GLIS3: variants seen among roughly 807,000 people sequenced by gnomAD.
GLIS3 encodes the protein zinc finger protein GLIS3.
In GLIS3, 53 loss-of-function variants were observed where a neutral mutation model predicts 78.6. That is an observed-to-expected ratio of 0.67 (90% confidence interval 0.54 to 0.85). The LOEUF (loss-of-function observed/expected upper bound fraction) is 0.85, where lower values mean the gene tolerates loss of function less well. Among genes scored for constraint, GLIS3 ranks in the 40% least tolerant of loss-of-function variants. GLIS3 has a pLI of 0.00. For missense variants in GLIS3, 1,703 were observed against 1,231.1 expected (o/e 1.38, Z -5.74); for synonymous variants, 684 against 509.9 (o/e 1.34, Z -4.60).
At chr9:3,971,755 T>C (rs1818398882) in intron 4 of GLIS3, among the ~76,000 whole-genome samples, 1 of 152,188 alleles carries the variant, frequency 6.6e-6, no homozygotes, top group Non-Finnish European at 1.5e-5. Flanking sequence ...CTGTCTTGTA[T>C]TTAACTGATG....
rs547708543 is a variant in GLIS3, at chr9:4,191,593, C to T, written c.389-65652G>A. 9.8e-5 allele frequency among the ~76,000 whole-genome samples: 15 copies of T among 152,324 alleles called. No homozygotes were observed. The East Asian group carries it at 2.9e-3, about 29-fold the overall frequency. On this transcript the variant is annotated intron_variant, in intron 2 of 10. Transcript: ENST00000381971. The stretch of plus-strand genomic sequence containing the variant: ...TATTCTTCCTCTTCAAACTTCCTTT[C>T]ATTCTTATTAACTTCATTTTGTTTT...
Position 4,291,855 on chromosome 9 carries a change from T to A in GLIS3, c.-98-5332A>T, listed in dbSNP as rs79673642. On this transcript the variant is annotated intron_variant, in intron 1 of 10. Transcript: ENST00000381971. ...TCAGTGCATCTATATAACTTTCATATCCTCCTAGTTTACTAAATGTCACTA... is the reference window on the plus strand; with the variant it reads ...TCAGTGCATCTATATAACTTTCATAACCTCCTAGTTTACTAAATGTCACTA... Among the ~76,000 whole-genome samples, 83 of 152,246 alleles carry A rather than the reference T, an allele frequency of 5.5e-4. 1 individual carries two copies. The East Asian group carries it at 0.015, about 28-fold the overall frequency.
intron 4 of GLIS3, among the ~76,000 whole-genome samples, chr9:4,113,908 T>C (rs1414926543): frequency 6.6e-6 from 1 of 152,230 alleles, no homozygotes; most frequent in Non-Finnish European, 1.5e-5. Flanking sequence ...AACTGGTCTT[T>C]GGTCAGTGAC....
chr9:4,416,775 C>G, the GLIS3 span, among the ~76,000 whole-genome samples: 4 of 148,268 alleles, frequency 2.7e-5, no homozygotes, highest in African/African-American at 1.0e-4. Flanking sequence ...TATCTAGAGT[C>G]TCTCAAATGG....
intron 2 of GLIS3, among the ~76,000 whole-genome samples, chr9:4,250,350 G>A (rs1824245600): frequency 6.6e-6 from 1 of 152,172 alleles, no homozygotes; most frequent in Admixed American, 6.5e-5. Context: ...TTGAGAGGGT[G>A]TATGTGTCCA....
intron 7 of GLIS3, among the ~76,000 whole-genome samples, chr9:3,882,473 C>A (rs371824189): frequency 2.0e-5 from 3 of 150,996 alleles, no homozygotes; most frequent in Non-Finnish European, 4.4e-5. Context: ...CATGCTACGG[C>A]TGGTGCATTA....
At chr9:4,191,452 A>G (rs1420496761) in intron 2 of GLIS3, among the ~76,000 whole-genome samples, 1 of 152,240 alleles carries the variant, frequency 6.6e-6, no homozygotes, top group Admixed American at 6.5e-5. Flanking sequence ...AGGGGAATTT[A>G]AGATGGAATT....
At chr9:4,480,852 C>G in the GLIS3 span, among the ~76,000 whole-genome samples, 1 of 149,982 alleles carries the variant, frequency 6.7e-6, no homozygotes, top group Non-Finnish European at 1.5e-5. Flanking sequence ...AAAAAAAAAC[C>G]CACCTACTGG....
rs551259900 is a variant in GLIS3 at position 4,039,315 on chromosome 9, C to T, written c.1710+78453G>A. On this transcript the variant is annotated intron_variant, in intron 4 of 10. Coordinates refer to ENST00000381971, the MANE Select transcript of GLIS3 (RefSeq NM_001042413.2). ...ACTGAAAAAAAATTATTTTTCCCAG[C>T]TGTCCAATGCAGTATTATCTAGCCA... Among the ~76,000 whole-genome samples, 16 of 152,300 alleles carry T rather than the reference C, an allele frequency of 1.1e-4. No homozygotes were observed. In the South Asian group the frequency reaches 3.1e-3, roughly 30 times the overall value.
At chr9:4,221,002 A>T in intron 2 of GLIS3, among the ~76,000 whole-genome samples, 1 of 152,314 alleles carries the variant, frequency 6.6e-6, no homozygotes, top group Middle Eastern at 3.4e-3. Flanking sequence ...TTAATTAATT[A>T]ATAAGTGTTT....
chr9:4,013,864 C>T (rs1822231953), intron 4 of GLIS3, among the ~76,000 whole-genome samples: 1 of 152,126 alleles, frequency 6.6e-6, no homozygotes, highest in African/African-American at 2.4e-5. Context: ...ACATTAAGTC[C>T]AGGTAGCACT....
At chr9:3,851,721 T>C (rs930559364) in intron 9 of GLIS3, among the ~76,000 whole-genome samples, 13 of 152,232 alleles carry the variant, frequency 8.5e-5, no homozygotes, top group African/African-American at 3.1e-4. Flanking sequence ...CTCTGACTTG[T>C]AACCCTTCAT....
At chr9:4,406,260 C>G in the GLIS3 span, among the ~76,000 whole-genome samples, 6 of 152,272 alleles carry the variant, frequency 3.9e-5, no homozygotes, top group East Asian at 9.6e-4. Context: ...AAGGGCATCC[C>G]AACTGGAAAG....
intron 2 of GLIS3, among the ~76,000 whole-genome samples, chr9:4,226,961 C>T (rs1389518471): frequency 2.6e-5 from 4 of 152,176 alleles, no homozygotes; most frequent in African/African-American, 9.7e-5. Flanking sequence ...TAGCTGATCT[C>T]AGCCATATAG....
intron 2 of GLIS3, among the ~76,000 whole-genome samples, chr9:4,134,960 G>C (rs559315758): frequency 3.3e-5 from 5 of 152,228 alleles, no homozygotes; most frequent in Non-Finnish European, 4.4e-5. Flanking sequence ...TAATTCTACA[G>C]TGCAGTCAGC....
intron 4 of GLIS3, among the ~76,000 whole-genome samples, chr9:3,999,719 C>A (rs1371036280): frequency 6.6e-6 from 1 of 152,064 alleles, no homozygotes; most frequent in East Asian, 1.9e-4. Context: ...TTAATAAATT[C>A]TAACCAAAAT....
At chr9:4,101,100 A>G (rs1427603814) in intron 4 of GLIS3, among the ~76,000 whole-genome samples, 1 of 152,230 alleles carries the variant, frequency 6.6e-6, no homozygotes, top group African/African-American at 2.4e-5. Flanking sequence ...AAGGAAACCA[A>G]CAACCCTGGG....
At chr9:4,338,510 T>C (rs1258399182) in intron 2 of GLIS3, among the ~76,000 whole-genome samples, 2 of 152,122 alleles carry the variant, frequency 1.3e-5, no homozygotes, top group Non-Finnish European at 2.9e-5. Flanking sequence ...TATGAGGTAC[T>C]GTTCATATCT....
chr9:4,202,802 A>G (rs1340478459), intron 2 of GLIS3, among the ~76,000 whole-genome samples: 2 of 152,240 alleles, frequency 1.3e-5, no homozygotes, highest in Non-Finnish European at 2.9e-5. Flanking sequence ...TCTGTTCACC[A>G]TATACAAAAA....
Sources: allele counts gnomAD v4.1 joint callset (sites outside exome capture counted in the v4.1 genomes callset), GRCh38; gene constraint gnomAD v4.1.1; transcripts MANE v1.5; gene names NCBI Gene and HGNC (gene_info 2026-07-23, HGNC 2026-07-21).